Variants in ZNF225 observed in about 807,000 individuals in gnomAD.
ZNF225 encodes zinc finger protein 225.
Under a neutral mutation model 12.0 loss-of-function variants are expected in ZNF225, and 6 were observed. The observed-to-expected ratio is 0.50, with a 90% CI of 0.27 to 0.98. The LOEUF (loss-of-function observed/expected upper bound fraction) is 0.98. Among genes scored for constraint, ZNF225 ranks in the 50% least tolerant of loss-of-function variants. The pLI is 0.11. For synonymous variants in ZNF225, 271 were observed against 283.2 expected, an observed-to-expected ratio of 0.96 and a Z score of 0.43; for missense variants, 763 against 848.2, an observed-to-expected ratio of 0.90 and a Z score of 1.25.
At chr19:44,126,163 G>C (rs193166289) in intron 4 of ZNF225, among the ~76,000 whole-genome samples, 38 of 152,270 alleles carry the variant, frequency 2.5e-4, no homozygotes, top group African/African-American at 8.9e-4. Flanking sequence ...TCTCATTTGG[G>C]TAGGCTCTGT....
intron 1 of ZNF225, among the ~76,000 whole-genome samples, chr19:44,114,564 T>G (rs1484333746): frequency 6.6e-6 from 1 of 152,182 alleles, no homozygotes; most frequent in Non-Finnish European, 1.5e-5. Context: ...CAGGCTGTAG[T>G]GCATGGCACG....
intron 1 of ZNF225, among the ~76,000 whole-genome samples, chr19:44,113,832 T>C (rs1967880634): frequency 6.6e-6 from 1 of 152,172 alleles, no homozygotes; most frequent in Non-Finnish European, 1.5e-5. Flanking sequence ...TTTAGGACCA[T>C]CCTAATAGAA....
rs568814166 is a variant in ZNF225, at chr19:44,115,071, T to A, written c.-68-689T>A. 7.2e-5 allele frequency among the ~76,000 whole-genome samples: 11 copies of A among 152,340 alleles called. No individual in the cohort carries two copies. The South Asian group carries it at 2.3e-3, about 32-fold the overall frequency. The stretch of plus-strand genomic sequence containing the variant: ...CACATTCTACTGTAAAGGTGAACTC[T>A]CCCTTCTCCTTCATTTGCTTATTCA... On this transcript the variant is annotated intron_variant, in intron 1 of 4. Transcript: ENST00000262894.
chr19:44,131,847 A>C lies in ZNF225; in HGVS notation c.1233A>C (p.Thr411=). ...KCEECGKGFY[T]NSQRYSHQRA... is the part of the protein sequence containing the mutation. ...AAGAATGTGGGAAGGGATTTTATAC[A>C]AATTCACAACGTTATTCTCACCAGA... Residue 411 remains threonine, a synonymous_variant, in exon 5 of 5, where the codon ACA becomes ACC. Coordinates refer to ENST00000262894, the MANE Select transcript of ZNF225 (RefSeq NM_013362.4). 1 of 1,613,890 alleles carries C rather than the reference A, an allele frequency of 6.2e-7. No individual in the cohort carries two copies. Among genetic ancestry groups the C allele is most frequent in the Non-Finnish European group, 8.5e-7 (1 of 1,179,952 alleles).
rs1293438002 is a variant in ZNF225 at position 44,133,196 on chromosome 19, A to T, written c.*461A>T. 6.4e-6 allele frequency: 1 copy of T among 155,574 alleles called. No homozygotes were observed. The highest frequency in any genetic ancestry group is 6.2e-5 in the Admixed American group (1 of 16,082). The allele number at this position is 155,574 out of a possible 1,614,324, so 9.6% of individuals were successfully genotyped here. ...TTGTTGTTTTTCATGGCTAAATAGT[A>T]CTCTGATGTGTATATTTGCCCCATT... On this transcript the variant is annotated 3_prime_UTR_variant, in exon 5 of 5. Transcript: ENST00000262894.
chr19:44,120,903 CT>C (rs113985967), intron 4 of ZNF225, among the ~76,000 whole-genome samples: 112,070 of 147,776 alleles, frequency 0.76, 43,131 homozygotes, highest in Non-Finnish European at 0.84. Context: ...CCATTTCTCT[CT>C]TTTTTTTTTT....
intron 2 of ZNF225, among the ~76,000 whole-genome samples, chr19:44,116,741 CTG>C (rs1276048040): frequency 1.3e-5 from 2 of 152,116 alleles, no homozygotes; most frequent in East Asian, 1.9e-4. Context: ...ATAAGTGAGA[CTG>C]TTAAATTCTT....
intron 4 of ZNF225, chr19:44,128,872 C>A (rs1968195533): frequency 2.5e-6 from 1 of 402,536 alleles, no homozygotes; most frequent in South Asian, 1.4e-4. Context: ...GTATAAAGGT[C>A]TGTTTCTTTA....
chr19:44,129,763 G>T (rs1373702171), intron 4 of ZNF225: 1 of 152,068 alleles, frequency 6.6e-6, no homozygotes, highest in African/African-American at 2.4e-5. Context: ...TGACTTACTA[G>T]ACCTACTACC....
Position 44,132,011 on chromosome 19 carries a change from G to T in ZNF225, c.1397G>T (p.Gly466Val). ...TGTAAGGAATGTGGGAAGAGCTTTG[G>T]CTGGGCCTCGTGTCTTTTGAATCAT... Reference protein sequence around the residue: ...YNCKECGKSFGWASCLLNHQR... With the variant: ...YNCKECGKSFVWASCLLNHQR... Residue 466 changes from glycine to valine, a missense_variant, in exon 5 of 5, where the codon GGC becomes GTC. Transcript: ENST00000262894. 6.2e-7 allele frequency: 1 copy of T among 1,613,920 alleles called. No homozygotes were observed. Among genetic ancestry groups the T allele is most frequent in the East Asian group, 2.2e-5 (1 of 44,858 alleles).
chr19:44,126,884 C>T (rs1968158277), intron 4 of ZNF225, among the ~76,000 whole-genome samples: 1 of 152,226 alleles, frequency 6.6e-6, no homozygotes, highest in Non-Finnish European at 1.5e-5. Context: ...GTCTCACTCC[C>T]ACCATGCCCC....
intron 1 of ZNF225, among the ~76,000 whole-genome samples, chr19:44,115,023 A>T (rs1041668722): frequency 2.0e-5 from 3 of 152,188 alleles, no homozygotes; most frequent in African/African-American, 7.2e-5. Context: ...AAAATTTTGT[A>T]AGGAGAAATA....
intron 4 of ZNF225, among the ~76,000 whole-genome samples, chr19:44,122,328 G>T (rs1382726976): frequency 2.0e-5 from 3 of 152,026 alleles, no homozygotes; most frequent in Non-Finnish European, 4.4e-5. Flanking sequence ...TTTATTTCTG[G>T]GTTCTCTATT....
intron 4 of ZNF225, among the ~76,000 whole-genome samples, chr19:44,120,174 G>A (rs538097481): frequency 3.9e-5 from 6 of 152,226 alleles, no homozygotes; most frequent in Middle Eastern, 3.4e-3. Flanking sequence ...CCGAGATGGC[G>A]CCACCGCACT....
rs59374963 is a variant in ZNF225, at chr19:44,119,779, C to T, written c.235+1205C>T. ...CTTTTATGAATCATTGTTCTGTCTA[C>T]TACTGAAGCTTCTGCCTCAGAGCCC... is the stretch of plus-strand genomic sequence containing the variant. On this transcript the variant is annotated intron_variant, in intron 4 of 4. Transcript: ENST00000262894. Among the ~76,000 whole-genome samples the T allele has an allele frequency of 1.9e-3, 285 of 152,328 alleles. 1 individual carries two copies. The highest frequency in any genetic ancestry group is 6.6e-3 in the African/African-American group (273 of 41,568).
rs745311255 is a variant in ZNF225, at chr19:44,131,810, C to G, written c.1196C>G (p.Thr399Arg). The change falls in exon 5 of 5, where the codon ACA (threonine) becomes AGA (arginine). Residue 399 changes from threonine to arginine, a missense_variant. By Grantham distance (71) the Thr-to-Arg change is moderately conservative. Transcript: ENST00000262894. ...GTGCGAGTCCACAGTGGAGAGACAA[C>G]ATTCAAATGTGAAGAATGTGGGAAG... The part of the protein sequence containing the change: ...RHVRVHSGET[T>R]FKCEECGKGF... The G allele has an allele frequency of 6.2e-7, 1 of 1,614,192 alleles. No homozygotes were observed. Among genetic ancestry groups the G allele is most frequent in the Non-Finnish European group, 8.5e-7 (1 of 1,180,030 alleles).
rs989450031 is a variant in ZNF225 at position 44,118,404 on chromosome 19, C to G, written c.143-78C>G. The G allele has an allele frequency of 6.8e-6, 11 of 1,610,728 alleles. No individual in the cohort carries two copies. The African/African-American group carries it at 1.2e-4, about 18-fold the overall frequency. ...TCAAGTTTGAGTATGCATTGGGAAC[C>G]TAAGTTTCCAGTAAATTTTACTTAG... On this transcript the variant is annotated intron_variant, in intron 3 of 4. Coordinates refer to ENST00000262894, the MANE Select transcript of ZNF225 (RefSeq NM_013362.4).
chr19:44,125,820 A>G (rs1271941335), intron 4 of ZNF225, among the ~76,000 whole-genome samples: 6 of 152,030 alleles, frequency 3.9e-5, no homozygotes, highest in Admixed American at 3.3e-4. Context: ...TACTTGTTCA[A>G]TTCTATTGCT....
intron 4 of ZNF225, among the ~76,000 whole-genome samples, chr19:44,119,755 T>C (rs1968015303): frequency 6.6e-6 from 1 of 152,224 alleles, no homozygotes; most frequent in African/African-American, 2.4e-5. Context: ...TGTGGACATC[T>C]TTTATGAATC....
Sources: allele counts gnomAD v4.1 joint callset (sites outside exome capture counted in the v4.1 genomes callset), GRCh38; gene constraint gnomAD v4.1.1; transcripts MANE v1.5; gene names NCBI Gene and HGNC (gene_info 2026-07-23, HGNC 2026-07-21).